RNF212B: variants seen among roughly 807,000 people sequenced by gnomAD.
RNF212B encodes ring finger protein 212B.
Under a neutral mutation model 55.5 loss-of-function variants are expected in RNF212B, and 52 were observed. The ratio of observed to expected loss-of-function variants is 0.94; its 90% CI spans 0.75 to 1.18. The LOEUF is 1.18. Among genes scored for constraint, RNF212B ranks in the 50% most tolerant of loss-of-function variants. RNF212B has a pLI of 0.00. For synonymous variants in RNF212B, 99 were observed against 121.4 expected (o/e 0.82, Z 1.21); for missense variants, 289 against 350.4 (o/e 0.82, Z 1.40).
chr14:23,263,015 G>A (rs1382488104), intron 9 of RNF212B, 45 bp downstream of exon 9: 2 of 1,502,810 alleles, frequency 1.3e-6, no homozygotes, highest in South Asian at 2.4e-5. Flanking sequence ...AAAGTTGGAA[G>A]ATAGAAGAAA....
intron 4 of RNF212B, among the ~76,000 whole-genome samples, chr14:23,248,881 A>G (rs953980916): frequency 2.0e-5 from 3 of 152,236 alleles, no homozygotes; most frequent in Admixed American, 6.5e-5. Context: ...TGGGACACAA[A>G]TATTCAGACC....
intron 2 of RNF212B, among the ~76,000 whole-genome samples, chr14:23,216,282 A>G (rs1431989523): frequency 6.6e-6 from 1 of 152,030 alleles, no homozygotes; most frequent in Admixed American, 6.6e-5. Flanking sequence ...AACAAAATCT[A>G]TACAAGATGA....
chr14:23,199,233 A>C (rs1479329219), intron 2 of RNF212B, among the ~76,000 whole-genome samples: 1 of 152,222 alleles, frequency 6.6e-6, no homozygotes, highest in Non-Finnish European at 1.5e-5. Flanking sequence ...GGGAGGCATG[A>C]GACATCAATC....
intron 2 of RNF212B, among the ~76,000 whole-genome samples, chr14:23,208,614 CAA>C (rs1408054562): frequency 1.3e-5 from 2 of 152,068 alleles, no homozygotes; most frequent in African/African-American, 4.8e-5. Flanking sequence ...ACCCAGACCC[CAA>C]GAGAGAGTTC....
intron 2 of RNF212B, among the ~76,000 whole-genome samples, chr14:23,226,738 GTCCCCTCCCC>G (rs370334113): frequency 4.6e-5 from 7 of 150,818 alleles, no homozygotes; most frequent in Admixed American, 2.0e-4. Context: ...ATCTCGGCTA[GTCCCCTCCCC>G]TCCCCTCCCC....
intron 2 of RNF212B, among the ~76,000 whole-genome samples, chr14:23,213,219 A>G (rs558161106): frequency 3.3e-5 from 5 of 152,104 alleles, no homozygotes; most frequent in East Asian, 3.9e-4. Context: ...AGGCTGAGGC[A>G]GGAGAATGGC....
chr14:23,248,515 C>T (rs1884166936), intron 4 of RNF212B, among the ~76,000 whole-genome samples: 1 of 146,302 alleles, frequency 6.8e-6, no homozygotes, highest in Non-Finnish European at 1.5e-5. Context: ...GATCTCGGCT[C>T]ACTGCAATCT....
intron 4 of RNF212B, among the ~76,000 whole-genome samples, chr14:23,257,970 A>T (rs1884973151): frequency 6.6e-6 from 1 of 152,236 alleles, no homozygotes; most frequent in Admixed American, 6.5e-5. Context: ...TTTTAAAAAA[A>T]ATCTCTCTTC....
intron 3 of RNF212B, among the ~76,000 whole-genome samples, chr14:23,243,902 C>A (rs933284564): frequency 1.3e-5 from 2 of 151,748 alleles, no homozygotes; most frequent in East Asian, 1.9e-4. Context: ...CATGAGGAAA[C>A]CCTCGTCTCT....
chr14:23,232,044 C>T (rs943012539), intron 2 of RNF212B, among the ~76,000 whole-genome samples: 2 of 152,248 alleles, frequency 1.3e-5, no homozygotes, highest in Non-Finnish European at 2.9e-5. Flanking sequence ...GCCGAGATTG[C>T]AGCCTCTGCC....
At chr14:23,207,343 G>GA (rs1189710604) in intron 2 of RNF212B, among the ~76,000 whole-genome samples, 3 of 151,812 alleles carry the variant, frequency 2.0e-5, no homozygotes, top group African/African-American at 7.3e-5. Context: ...CTAGAGGCAG[G>GA]AAAAAAAACC....
At position 23,258,539 on chromosome 14, in the gene RNF212B, T is replaced by TC; in HGVS notation, c.229-7dup. ...GGAGAGTATGTCAAAGGCTTGTTTTTCCCTAGTAGGTGTGGAGTTTCCAGA... is the reference window on the plus strand; with the variant it reads ...GGAGAGTATGTCAAAGGCTTGTTTTTCCCCTAGTAGGTGTGGAGTTTCCAGA... On this transcript the variant is annotated splice_polypyrimidine_tract_variant and intron_variant, in intron 4 of 14. Coordinates refer to ENST00000430154, the MANE Select transcript of RNF212B (RefSeq NM_001282322.3). The TC allele has an allele frequency of 7.1e-7, 1 of 1,406,040 alleles. No homozygotes were observed. Among genetic ancestry groups the TC allele is most frequent in the African/African-American group, 1.5e-5 (1 of 68,616 alleles). The allele number at this position is 1,406,040 out of a possible 1,614,324, so 87.1% of individuals were successfully genotyped here.
At chr14:23,203,383 G>A (rs990643029) in intron 2 of RNF212B, among the ~76,000 whole-genome samples, 1 of 151,884 alleles carries the variant, frequency 6.6e-6, no homozygotes, top group African/African-American at 2.4e-5. Context: ...ATAAACATGT[G>A]CGTGCAAATA....
chr14:23,231,618 T>C (rs1193919146), intron 2 of RNF212B, among the ~76,000 whole-genome samples: 1 of 150,786 alleles, frequency 6.6e-6, no homozygotes, highest in Admixed American at 6.6e-5. Flanking sequence ...GCTCCCCCTC[T>C]CCCCTCTCCC....
At chr14:23,224,650 C>A (rs1384524328) in intron 2 of RNF212B, among the ~76,000 whole-genome samples, 4 of 152,196 alleles carry the variant, frequency 2.6e-5, no homozygotes, top group Non-Finnish European at 5.9e-5. Context: ...TATGAAACTA[C>A]TTCAAGAAAA....
intron 11 of RNF212B, 21 bp from the exon 12 acceptor site, chr14:23,268,903 G>T (rs774793824): frequency 1.0e-4 from 155 of 1,546,676 alleles, no homozygotes; most frequent in Non-Finnish European, 1.3e-4. Context: ...TATCTCACAG[G>T]CTTATTTTTA....
At chr14:23,223,511 A>G (rs1464154322) in intron 2 of RNF212B, among the ~76,000 whole-genome samples, 1 of 152,016 alleles carries the variant, frequency 6.6e-6, no homozygotes, top group Non-Finnish European at 1.5e-5. Context: ...CCCGCCATCA[A>G]GCCCGGCTAA....
At chr14:23,269,793 T>C (rs1594954992) in intron 12 of RNF212B, 70 bp from the exon 13 acceptor site, 1 of 834,306 alleles carries the variant, frequency 1.2e-6, no homozygotes, top group Non-Finnish European at 2.0e-6. Context: ...GGCTCTTCCA[T>C]TACATATGCT....
At chr14:23,217,000 A>T (rs1275163607) in intron 2 of RNF212B, among the ~76,000 whole-genome samples, 1 of 151,912 alleles carries the variant, frequency 6.6e-6, no homozygotes, top group African/African-American at 2.4e-5. Context: ...TGACTGACAG[A>T]TGTTAAGAAT....
Sources: allele counts gnomAD v4.1 joint callset (sites outside exome capture counted in the v4.1 genomes callset), GRCh38; gene constraint gnomAD v4.1.1; transcripts MANE v1.5; gene names NCBI Gene and HGNC (gene_info 2026-07-23, HGNC 2026-07-21).